TFCP2L1: variants seen among roughly 807,000 people sequenced by gnomAD.
The protein encoded by TFCP2L1 is transcription factor CP2 like 1, also known as transcription factor CP2-like protein 1.
Under a neutral mutation model 72.2 loss-of-function variants are expected in TFCP2L1, and 12 were observed. That is an observed-to-expected ratio of 0.17 (90% CI 0.11 to 0.27). The LOEUF is 0.27. Ranked by LOEUF, TFCP2L1 falls within the 10% of genes least tolerant of loss-of-function variation. TFCP2L1 has a pLI of 1.00. For missense variants in TFCP2L1, 488 were observed against 624.6 expected, an observed-to-expected ratio of 0.78 and a Z score of 2.33; for synonymous variants, 260 against 251.0, an observed-to-expected ratio of 1.04 and a Z score of -0.34.
chr2:121,260,290 C>T (rs190443038), intron 2 of TFCP2L1, among the ~76,000 whole-genome samples: 8 of 133,860 alleles, frequency 6.0e-5, no homozygotes, highest in Admixed American at 5.7e-4. Flanking sequence ...AGATACACCA[C>T]CGGGGTTGAC....
At chr2:121,284,675 T>C (rs924834633) in intron 1 of TFCP2L1, among the ~76,000 whole-genome samples, 1 of 152,160 alleles carries the variant, frequency 6.6e-6, no homozygotes, top group Admixed American at 6.5e-5. Context: ...ACCAGGCTGC[T>C]GGCAGGAAGT....
At chr2:121,238,979 A>G (rs1178669572) in intron 8 of TFCP2L1, among the ~76,000 whole-genome samples, 1 of 152,078 alleles carries the variant, frequency 6.6e-6, no homozygotes, top group Non-Finnish European at 1.5e-5. Flanking sequence ...AGCACAGGGC[A>G]TGCAGAGCCA....
In TFCP2L1 at chr2:121,281,247, G is replaced by C. The variant is rs1296891051; in HGVS notation, c.87C>G (p.Phe29Leu). 6.2e-7 allele frequency: 1 copy of C among 1,609,466 alleles called. No individual in the cohort carries two copies. Among genetic ancestry groups the C allele is most frequent in the Middle Eastern group, 1.7e-4 (1 of 6,012 alleles). Reference sequence around the variant, plus strand: ...GGGACAGCTGGGGTTCCTCCTGCTTGAAGATGGGCAGAGCGAGCACATCAC... The same window carrying C: ...GGGACAGCTGGGGTTCCTCCTGCTTCAAGATGGGCAGAGCGAGCACATCAC... ...YLRDVLALPI[F>L]KQEEPQLSPE... The change falls in exon 2 of 15, where the codon TTC (phenylalanine) becomes TTG (leucine). Residue 29 changes from phenylalanine to leucine, a missense_variant. By Grantham distance (22) the Phe-to-Leu change is conservative. Transcript: ENST00000263707.
chr2:121,240,879 C>T (rs1291328574), intron 7 of TFCP2L1, among the ~76,000 whole-genome samples: 1 of 152,198 alleles, frequency 6.6e-6, no homozygotes, highest in East Asian at 1.9e-4. Context: ...AATGCCAGTG[C>T]ACATCTATCT....
intron 2 of TFCP2L1, among the ~76,000 whole-genome samples, chr2:121,253,443 T>C (rs1201428912): frequency 6.6e-6 from 1 of 152,210 alleles, no homozygotes; most frequent in Non-Finnish European, 1.5e-5. Flanking sequence ...AACACTCCCT[T>C]GATATCAACA....
chr2:121,227,255 A>G (rs1011537113), intron 13 of TFCP2L1, among the ~76,000 whole-genome samples: 3 of 152,258 alleles, frequency 2.0e-5, no homozygotes, highest in African/African-American at 7.2e-5. Context: ...AGGGGCTTCT[A>G]ATGTAACATT....
At chr2:121,241,052 G>T (rs1686356495) in intron 7 of TFCP2L1, among the ~76,000 whole-genome samples, 1 of 152,218 alleles carries the variant, frequency 6.6e-6, no homozygotes, top group Non-Finnish European at 1.5e-5. Flanking sequence ...GCCGGCAGGG[G>T]CCTTACCACA....
chr2:121,239,383 G>A (rs1331839249), intron 8 of TFCP2L1, among the ~76,000 whole-genome samples, 175 bp downstream of exon 8: 2 of 152,200 alleles, frequency 1.3e-5, no homozygotes, highest in African/African-American at 2.4e-5. Flanking sequence ...CGTTTACAGG[G>A]GTGTTTCTGA....
chr2:121,265,711 T>C (rs1169802431), intron 2 of TFCP2L1, among the ~76,000 whole-genome samples: 3 of 152,104 alleles, frequency 2.0e-5, no homozygotes, highest in Non-Finnish European at 2.9e-5. Context: ...CTCGAACTCC[T>C]GACCTCAGAA....
Position 121,223,120 on chromosome 2 carries a change from G to A in TFCP2L1, c.*1221C>T, listed in dbSNP as rs1192198619. ...CATTCCACAGAAGCTCCATTTAGAA[G>A]CTATGACATCCCATTCAGGTGGTCA... On this transcript the variant is annotated 3_prime_UTR_variant, in exon 15 of 15. Transcript: ENST00000263707. 1 of 152,134 alleles carries A rather than the reference G, an allele frequency of 6.6e-6. No homozygotes were observed. Among genetic ancestry groups the A allele is most frequent in the Non-Finnish European group, 1.5e-5 (1 of 68,044 alleles). The allele number at this position is 152,134 out of a possible 1,614,324, so 9.4% of individuals were successfully genotyped here.
intron 8 of TFCP2L1, among the ~76,000 whole-genome samples, chr2:121,238,547 T>C (rs951935786): frequency 2.0e-5 from 3 of 152,156 alleles, no homozygotes; most frequent in African/African-American, 7.2e-5. Context: ...TTGTGTTATG[T>C]ATATTTCTCC....
At position 121,225,729 on chromosome 2, in the gene TFCP2L1, A is replaced by G. The variant is rs1686016168; in HGVS notation, c.1342-116T>C. On this transcript the variant is annotated intron_variant, in intron 13 of 14. Transcript: ENST00000263707. ...GAAACACCACTGCCAAGCCACTGCC[A>G]CGGTGCCCACACACACAGGAACGCG... is the stretch of plus-strand genomic sequence containing the variant. 4 of 1,058,486 alleles carry G rather than the reference A, an allele frequency of 3.8e-6. No homozygotes were observed. The South Asian group carries it at 5.3e-5, about 14-fold the overall frequency. 65.6% of individuals were successfully genotyped at this position (1,058,486 alleles called of 1,614,324 possible).
chr2:121,277,133 G>A (rs1687164130), intron 2 of TFCP2L1, among the ~76,000 whole-genome samples: 2 of 152,114 alleles, frequency 1.3e-5, no homozygotes, highest in Admixed American at 1.3e-4. Flanking sequence ...GCAAAGGACA[G>A]GAATATAATA....
intron 10 of TFCP2L1, among the ~76,000 whole-genome samples, chr2:121,237,006 T>C (rs1047405567): frequency 6.6e-6 from 1 of 152,230 alleles, no homozygotes; most frequent in Non-Finnish European, 1.5e-5. Flanking sequence ...GTCGTTTCTC[T>C]TCCACTGCCA....
At chr2:121,282,973 T>C (rs979718640) in intron 1 of TFCP2L1, among the ~76,000 whole-genome samples, 6 of 152,104 alleles carry the variant, frequency 3.9e-5, no homozygotes, top group Non-Finnish European at 8.8e-5. Context: ...GTCTCGACTT[T>C]CCCCCACAGG....
In TFCP2L1 at chr2:121,224,294, G is replaced by T; in HGVS notation, c.*47C>A. 6.2e-7 allele frequency: 1 copy of T among 1,609,460 alleles called. No individual in the cohort carries two copies. The highest frequency in any genetic ancestry group is 8.5e-7 in the Non-Finnish European group (1 of 1,176,854). ...GTGGGGCAATGTCTACATCCACGGG[G>T]ATCCACAGGGCTGGGAGCTGGAGAC... On this transcript the variant is annotated 3_prime_UTR_variant, in exon 15 of 15. Coordinates refer to ENST00000263707, the MANE Select transcript of TFCP2L1 (RefSeq NM_014553.3).
Position 121,249,031 on chromosome 2 carries a change from C to A in TFCP2L1, c.348G>T (p.Gln116His). The A allele has an allele frequency of 6.2e-7, 1 of 1,605,330 alleles. No individual in the cohort carries two copies. The highest frequency in any genetic ancestry group is 1.7e-5 in the Admixed American group (1 of 59,104). ...DRRLQYTEHQ[Q>H]LEGWRWSRPG... Reference sequence around the variant, plus strand: ...GCCGACTCCACCGCCAGCCCTCCAGCTGCTGGTGCTCCGTATACTGCAGCC... The same window carrying A: ...GCCGACTCCACCGCCAGCCCTCCAGATGCTGGTGCTCCGTATACTGCAGCC... Residue 116 changes from glutamine to histidine, a missense_variant, in exon 4 of 15, where the codon CAG becomes CAT. Gln to His is a conservative substitution (Grantham distance 24). Coordinates refer to ENST00000263707, the MANE Select transcript of TFCP2L1 (RefSeq NM_014553.3).
At chr2:121,234,413 C>T (rs571204163) in intron 11 of TFCP2L1, 14 of 542,516 alleles carry the variant, frequency 2.6e-5, no homozygotes, top group Middle Eastern at 4.9e-4. Context: ...ACATACAAGA[C>T]GTTTTCAGGC....
At chr2:121,240,320 G>A in intron 7 of TFCP2L1, 1 of 985,394 alleles carries the variant, frequency 1.0e-6, no homozygotes, top group African/African-American at 1.7e-5. Context: ...CCCAAAGGAA[G>A]CAAGGGTTTA....
Sources: gnomAD v4.1 joint callset for allele counts (sites outside exome capture counted in the v4.1 genomes callset) on GRCh38, gnomAD v4.1.1 for gene constraint, MANE v1.5 for transcripts, NCBI Gene and HGNC (gene_info 2026-07-23, HGNC 2026-07-21) for gene names.